The following FGF12 variants were observed in gnomAD, a reference collection of about 807,000 sequenced individuals.
FGF12 encodes fibroblast growth factor 12.
A neutral mutation model predicts 23.6 loss-of-function variants in FGF12; 14 were observed. That is an observed-to-expected ratio of 0.59 (90% CI 0.39 to 0.93). FGF12 has a LOEUF of 0.93. FGF12 is among the 40% of genes least tolerant of loss of function. The pLI, the probability that FGF12 is intolerant of heterozygous loss-of-function variation, is 0.00. For synonymous variants in FGF12, 62 were observed against 77.3 expected (o/e 0.80, Z 1.04); for missense variants, 175 against 217.8 (o/e 0.80, Z 1.24).
At chr3:192,596,711 T>C (rs951430504) in intron 2 of FGF12, among the ~76,000 whole-genome samples, 8 of 152,290 alleles carry the variant, frequency 5.3e-5, no homozygotes, top group African/African-American at 1.7e-4. Flanking sequence ...TAAAATGCAA[T>C]TGGACCCATA....
At chr3:192,695,817 G>A (rs1718101871) in intron 2 of FGF12, among the ~76,000 whole-genome samples, 1 of 152,148 alleles carries the variant, frequency 6.6e-6, no homozygotes, top group African/African-American at 2.4e-5. Context: ...ATCCTTAAGG[G>A]CTGGGTGCCA....
chr3:192,393,941 C>T (rs1425128303), intron 2 of FGF12, among the ~76,000 whole-genome samples: 2 of 152,144 alleles, frequency 1.3e-5, no homozygotes, highest in Non-Finnish European at 2.9e-5. Context: ...TCTGGGAAAT[C>T]TAAAAACTTG....
At chr3:192,630,226 C>G (rs1358028128) in intron 2 of FGF12, among the ~76,000 whole-genome samples, 1 of 152,128 alleles carries the variant, frequency 6.6e-6, no homozygotes, top group South Asian at 2.1e-4. Context: ...TGGGGCCTCC[C>G]CAGAAGCCAA....
intron 4 of FGF12, among the ~76,000 whole-genome samples, chr3:192,263,892 A>G (rs1712913247): frequency 1.3e-5 from 2 of 152,102 alleles, no homozygotes; most frequent in South Asian, 4.1e-4. Context: ...GTCCAACAAA[A>G]TATCTTATTC....
rs750422316 is a variant in FGF12 at position 192,723,874 on chromosome 3, AGAGAG to A, written c.13+3302_13+3306del. On this transcript the variant is annotated intron_variant, in intron 2 of 5. Coordinates refer to ENST00000445105, the MANE Select transcript of FGF12 (RefSeq NM_004113.6). ...GTGTGTGTGTGTGTGAGAGAGAGAG[AGAGAG>A]GAGAGGAGAGGAGAGGAGAGGAAAG... is the stretch of plus-strand genomic sequence containing the variant. 7.1e-3 allele frequency among the ~76,000 whole-genome samples: 925 copies of A among 131,026 alleles called. 7 individuals are homozygous for A. The highest frequency in any genetic ancestry group is 0.011 in the Non-Finnish European group (662 of 60,810). The allele number at this position is 131,026 out of a possible 152,430, so 86.0% of individuals were successfully genotyped here.
At chr3:192,247,094 A>T (rs1019668646) in intron 4 of FGF12, among the ~76,000 whole-genome samples, 1 of 129,206 alleles carries the variant, frequency 7.7e-6, no homozygotes, top group Non-Finnish European at 1.7e-5. Flanking sequence ...GGAAGGAAGG[A>T]AGGAAGGAAT....
rs146190457 is a variant in FGF12, at chr3:192,344,773, C to A, written c.125-9309G>T. Among the ~76,000 whole-genome samples, 21 of 152,264 alleles carry A rather than the reference C, an allele frequency of 1.4e-4. No individual in the cohort carries two copies. The East Asian group carries it at 3.3e-3, about 24-fold the overall frequency. On this transcript the variant is annotated intron_variant, in intron 3 of 5. Transcript: ENST00000445105. ...TTTTAATCCTGATAATATCATATAA[C>A]CTTTCCTATGATAGTTCAAAAATGT...
At chr3:192,502,198 A>AAAT (rs1299498248) in intron 2 of FGF12, among the ~76,000 whole-genome samples, 2 of 152,156 alleles carry the variant, frequency 1.3e-5, no homozygotes, top group African/African-American at 4.8e-5. Context: ...TTGTTCTTGG[A>AAAT]AATACCCCTC....
At chr3:192,280,976 T>G (rs1371273969) in intron 4 of FGF12, among the ~76,000 whole-genome samples, 1 of 152,162 alleles carries the variant, frequency 6.6e-6, no homozygotes, top group Non-Finnish European at 1.5e-5. Flanking sequence ...AGAGAAATGC[T>G]GTTCTCCACT....
intron 5 of FGF12, among the ~76,000 whole-genome samples, chr3:192,158,386 T>TTTCTCTTTCTTTCTTTCTTTCTTTCTTTC (rs1714613228): frequency 1.1e-5 from 1 of 87,240 alleles, no homozygotes; most frequent in Admixed American, 1.2e-4. Flanking sequence ...TTCTTTCTTT[T>TTTCTCTTTCTTTCTTTCTTTCTTTCTTTC]CTTTCTCTCT....
chr3:192,376,879 T>G (rs1330336686), intron 2 of FGF12, among the ~76,000 whole-genome samples: 1 of 152,244 alleles, frequency 6.6e-6, no homozygotes, highest in East Asian at 1.9e-4. Context: ...TGGTTTCAAT[T>G]ATCAGACTGA....
intron 4 of FGF12, among the ~76,000 whole-genome samples, chr3:192,294,136 T>C (rs1466023085): frequency 1.3e-5 from 2 of 152,188 alleles, no homozygotes. Flanking sequence ...CTGCCATCCC[T>C]GTAAGATGGG....
chr3:192,388,610 G>T (rs1415000779), intron 2 of FGF12, among the ~76,000 whole-genome samples: 1 of 151,750 alleles, frequency 6.6e-6, no homozygotes, highest in Non-Finnish European at 1.5e-5. Flanking sequence ...ATTCAATACA[G>T]TAATACATGG....
chr3:192,698,952 C>T (rs1422898697), intron 2 of FGF12, among the ~76,000 whole-genome samples: 1 of 152,104 alleles, frequency 6.6e-6, no homozygotes, highest in East Asian at 1.9e-4. Context: ...CCCTTTGACC[C>T]TTTCAGAAAA....
chr3:192,308,160 A>T (rs1715748396), intron 4 of FGF12, among the ~76,000 whole-genome samples: 1 of 152,204 alleles, frequency 6.6e-6, no homozygotes, highest in South Asian at 2.1e-4. Context: ...TTTAAGAATG[A>T]AAACCACTCT....
chr3:192,385,399 A>G (rs1719996168), intron 2 of FGF12, among the ~76,000 whole-genome samples: 1 of 152,186 alleles, frequency 6.6e-6, no homozygotes, highest in Non-Finnish European at 1.5e-5. Flanking sequence ...GGAGACTCCC[A>G]TATCATATGT....
rs1042401923 is a variant in FGF12, at chr3:192,556,054, T to TA, written c.13+171126dup. Reference sequence around the variant, plus strand: ...GCAATAAATCAAAGCATGTTGCTATTAAAAAAAAAATCAACAAAACACAAG... The same window carrying TA: ...GCAATAAATCAAAGCATGTTGCTATTAAAAAAAAAAATCAACAAAACACAAG... On this transcript the variant is annotated intron_variant, in intron 2 of 5. Transcript: ENST00000445105. Among the ~76,000 whole-genome samples, 258 of 149,634 alleles carry TA rather than the reference T, an allele frequency of 1.7e-3. 1 individual carries two copies. Among genetic ancestry groups the TA allele is most frequent in the African/African-American group, 5.7e-3 (233 of 40,794 alleles).
intron 2 of FGF12, among the ~76,000 whole-genome samples, chr3:192,398,913 T>C (rs1720640874): frequency 6.6e-6 from 1 of 152,028 alleles, no homozygotes; most frequent in African/African-American, 2.4e-5. Context: ...GCTCAGTGAG[T>C]CAGGATGTCA....
At chr3:192,635,846 A>C (rs962564425) in intron 2 of FGF12, among the ~76,000 whole-genome samples, 5 of 152,166 alleles carry the variant, frequency 3.3e-5, no homozygotes, top group African/African-American at 1.2e-4. Flanking sequence ...ATTCTCTTTT[A>C]ATTGATGGAA....
Sources: allele counts gnomAD v4.1 joint callset (sites outside exome capture counted in the v4.1 genomes callset), GRCh38; gene constraint gnomAD v4.1.1; transcripts MANE v1.5; gene names NCBI Gene and HGNC (gene_info 2026-07-23, HGNC 2026-07-21).